The following TNS1 variants were observed in gnomAD, a reference collection of about 807,000 sequenced individuals.
The protein encoded by TNS1 is tensin 1, also known as tensin-1.
TNS1 carries 62 observed loss-of-function variants against 168.6 expected under a neutral mutation model. That is an observed-to-expected ratio of 0.37 (90% CI 0.30 to 0.45). TNS1 has a LOEUF of 0.45. Among genes scored for constraint, TNS1 ranks in the 20% least tolerant of loss-of-function variants. The pLI, the probability that TNS1 is intolerant of heterozygous loss-of-function variation, is 1.00. For missense variants in TNS1, 2,240 were observed against 2,339.4 expected, an observed-to-expected ratio of 0.96 and a Z score of 0.88; for synonymous variants, 934 against 933.2, an observed-to-expected ratio of 1.00 and a Z score of -0.02.
chr2:217,822,571 C>G (rs1943034230), intron 22 of TNS1, among the ~76,000 whole-genome samples: 2 of 152,328 alleles, frequency 1.3e-5, no homozygotes, highest in African/African-American at 4.8e-5. Flanking sequence ...AACCCCATTC[C>G]CAGGCGGAAC....
At chr2:217,833,999 T>A (rs1944832752) in intron 21 of TNS1, among the ~76,000 whole-genome samples, 1 of 152,254 alleles carries the variant, frequency 6.6e-6, no homozygotes, top group Non-Finnish European at 1.5e-5. Context: ...TTATTAAAAT[T>A]AATGTAACCA....
intron 3 of TNS1, among the ~76,000 whole-genome samples, chr2:217,964,412 C>T (rs995794664): frequency 6.6e-6 from 1 of 152,204 alleles, no homozygotes; most frequent in Admixed American, 6.5e-5. Context: ...CTCAGATTCT[C>T]TCCCCAGGCC....
chr2:217,885,269 C>T (rs1951088442), intron 15 of TNS1, 105 bp from the exon 16 acceptor site: 2 of 1,499,960 alleles, frequency 1.3e-6, no homozygotes, highest in South Asian at 2.5e-5. Flanking sequence ...AAGGCTCACC[C>T]CAAACCCGGT....
chr2:217,944,657 G>T (rs1295253718), intron 3 of TNS1, among the ~76,000 whole-genome samples: 1 of 152,212 alleles, frequency 6.6e-6, no homozygotes, highest in Non-Finnish European at 1.5e-5. Context: ...GGACATTTGT[G>T]ACTGTACATT....
At chr2:217,842,777 C>T (rs935797133) in intron 19 of TNS1, among the ~76,000 whole-genome samples, 4 of 152,156 alleles carry the variant, frequency 2.6e-5, no homozygotes, top group African/African-American at 9.7e-5. Flanking sequence ...TCCTGCTATG[C>T]CTCCCTTGAT....
At chr2:217,853,316 G>A (rs6726179) in intron 18 of TNS1, among the ~76,000 whole-genome samples, 4,928 of 152,246 alleles carry the variant, frequency 0.032, 256 homozygotes, top group African/African-American at 0.11. Context: ...GGTCTCCAGA[G>A]CCATCCTCTT....
At position 217,823,946 on chromosome 2, in the gene TNS1, T is replaced by G. The variant is rs370967329; in HGVS notation, c.3374-2008A>C. Among the ~76,000 whole-genome samples the G allele has an allele frequency of 1.4e-4, 21 of 152,340 alleles. No individual in the cohort carries two copies. The East Asian group carries it at 2.7e-3, about 20-fold the overall frequency. On this transcript the variant is annotated intron_variant, in intron 22 of 32. Transcript: ENST00000682258. ...GCCAAATTCATACCAAAGGCATGGA[T>G]TCTGTGCCACCCAAGCACGAGGCTC...
intron 25 of TNS1, 112 bp downstream of exon 25, chr2:217,814,800 A>T (rs943891166): frequency 2.2e-5 from 17 of 773,470 alleles, no homozygotes; most frequent in African/African-American, 1.2e-4. Context: ...CCCCTCTGTG[A>T]TGACCCCCTG....
chr2:217,979,701 G>C (rs1957992359), intron 2 of TNS1, among the ~76,000 whole-genome samples: 1 of 152,164 alleles, frequency 6.6e-6, no homozygotes, highest in Non-Finnish European at 1.5e-5. Flanking sequence ...CAGATCTCAT[G>C]GGTGGGCGAG....
rs768682910 is a variant in TNS1, at chr2:217,848,506, T to C, written c.2011A>G (p.Lys671Glu). 3 of 1,613,400 alleles carry C rather than the reference T, an allele frequency of 1.9e-6. No homozygotes were observed. Among genetic ancestry groups the C allele is most frequent in the Non-Finnish European group, 2.5e-6 (3 of 1,179,604 alleles). ...ACCATAGGCTCCATGGGGTAGGACT[T>C]GTCCAGACCGTTGGTCAGTGGGGAC... is the stretch of plus-strand genomic sequence containing the variant. ...ALSPLTNGLD[K>E]SYPMEPMVNG... Residue 671 changes from lysine to glutamate, a missense_variant, in exon 19 of 33, where the codon AAG (lysine) becomes GAG (glutamate). Physicochemically the swap from Lys to Glu is moderately conservative, Grantham distance 56. This residue lies in a region of TNS1 where 2,131 missense variants were observed against 2,171.2 expected (regional missense o/e 0.98). Coordinates refer to ENST00000682258, the MANE Select transcript of TNS1 (RefSeq NM_001387777.1).
At chr2:218,022,446 A>G (rs1444806274) in intron 1 of TNS1, among the ~76,000 whole-genome samples, 4 of 152,152 alleles carry the variant, frequency 2.6e-5, no homozygotes, top group Non-Finnish European at 2.9e-5. Context: ...CCTACAAGTT[A>G]CATATAAAAG....
At chr2:217,849,947 C>A (rs1250829075) in intron 18 of TNS1, 45 of 984,732 alleles carry the variant, frequency 4.6e-5, no homozygotes, top group Non-Finnish European at 5.3e-5. Flanking sequence ...GTCTCCAGCT[C>A]AATGCAAAGG....
At chr2:217,913,234 T>G (rs1298212399) in intron 4 of TNS1, among the ~76,000 whole-genome samples, 2 of 152,102 alleles carry the variant, frequency 1.3e-5, no homozygotes, top group African/African-American at 2.4e-5. Context: ...AGGAAAAGAA[T>G]AGGCTCCATG....
rs1957170286 is a variant in TNS1 at position 217,948,574 on chromosome 2, G to A, written c.187-28338C>T. ...CCCGCTACAGCTAGAGATGAGTTCG[G>A]GCTGTCTCCCAGGGTGCTTCCATCT... On this transcript the variant is annotated intron_variant, in intron 3 of 32. Transcript: ENST00000682258. This position sits in a 1 kb window ranked among gnomAD's most constrained non-coding sequence, Gnocchi z 4.1. Among the ~76,000 whole-genome samples the A allele has an allele frequency of 6.6e-6, 1 of 152,116 alleles. No homozygotes were observed. The highest frequency in any genetic ancestry group is 1.5e-5 in the Non-Finnish European group (1 of 68,002).
Position 217,813,559 on chromosome 2 carries a change from C to T in TNS1, c.4861+126G>A. 1 of 1,391,730 alleles carries T rather than the reference C, an allele frequency of 7.2e-7. No homozygotes were observed. The highest frequency in any genetic ancestry group is 9.7e-7 in the Non-Finnish European group (1 of 1,026,826). 86.2% of individuals were successfully genotyped at this position (1,391,730 alleles called of 1,614,324 possible). ...CTCAACCATCACCAAGCCCAAGACA[C>T]CCTCTTCCGAAGAGCCTGATGGGAG... On this transcript the variant is annotated intron_variant, in intron 26 of 32. Coordinates refer to ENST00000682258, the MANE Select transcript of TNS1 (RefSeq NM_001387777.1). The surrounding 1 kb of genome is among the most constrained non-coding windows in gnomAD (Gnocchi z 4.0).
At chr2:217,809,216 C>G (rs12999232) in intron 30 of TNS1, among the ~76,000 whole-genome samples, 9,129 of 27,218 alleles carry the variant, frequency 0.34, 468 homozygotes, top group African/African-American at 0.4. Flanking sequence ...TGGATGGATG[C>G]ATGGATGGAT....
At chr2:217,913,800 G>A (rs1324599849) in intron 4 of TNS1, among the ~76,000 whole-genome samples, 1 of 152,068 alleles carries the variant, frequency 6.6e-6, no homozygotes, top group Non-Finnish European at 1.5e-5. Context: ...TGCAGCCTCT[G>A]TTCACAGCTG....
chr2:218,000,253 A>G (rs1958537641), intron 1 of TNS1, among the ~76,000 whole-genome samples: 1 of 152,212 alleles, frequency 6.6e-6, no homozygotes, highest in Non-Finnish European at 1.5e-5. Context: ...AGATGACACA[A>G]TTGCAGCTTT....
At chr2:217,805,633 ACC>A in intron 32 of TNS1, among the ~76,000 whole-genome samples, 1 of 67,874 alleles carries the variant, frequency 1.5e-5, no homozygotes, top group African/African-American at 5.7e-5. Context: ...ACACCATCAC[ACC>A]CACACACATC....
Sources: gnomAD v4.1 joint callset for allele counts (sites outside exome capture counted in the v4.1 genomes callset) on GRCh38, gnomAD v4.1.1 for gene constraint, gnomAD v4.1.1 regional missense constraint, Gnocchi (gnomAD v3.1) non-coding constraint, MANE v1.5 for transcripts, NCBI Gene and HGNC (gene_info 2026-07-23, HGNC 2026-07-21) for gene names.